The following TRPM3 variants were observed in gnomAD, a reference collection of about 807,000 sequenced individuals.
The protein encoded by TRPM3 is long transient receptor potential channel 3.
TRPM3 carries 77 observed loss-of-function variants against 181.2 expected under a neutral mutation model. That is an observed-to-expected ratio of 0.42 (90% CI 0.35 to 0.51). The LOEUF (loss-of-function observed/expected upper bound fraction) is 0.51, where lower values mean the gene tolerates loss of function less well. Among genes scored for constraint, TRPM3 ranks in the 20% least tolerant of loss-of-function variants. The pLI, the probability that TRPM3 is intolerant of heterozygous loss-of-function variation, is 0.01. For missense variants in TRPM3, 1,759 were observed against 2,196.7 expected (o/e 0.80, Z 3.98); for synonymous variants, 745 against 796.4 (o/e 0.94, Z 1.09).
intron 3 of TRPM3, among the ~76,000 whole-genome samples, chr9:70,861,739 T>G (rs2132375192): frequency 6.6e-6 from 1 of 152,300 alleles, no homozygotes; most frequent in Admixed American, 6.5e-5. Context: ...TTTCCCTTAG[T>G]TTTGCATAGG....
At chr9:70,882,602 G>A (rs7021176) in intron 1 of TRPM3, among the ~76,000 whole-genome samples, 102,080 of 151,944 alleles carry the variant, frequency 0.67, 35,083 homozygotes, top group Non-Finnish European at 0.73. Flanking sequence ...TGAGTATTCT[G>A]GAACACATTG....
chr9:70,939,734 GC>G lies in TRPM3; in HGVS notation c.178-75224del, dbSNP rs779688101. 9.2e-5 allele frequency among the ~76,000 whole-genome samples: 14 copies of G among 152,290 alleles called. No individual in the cohort carries two copies. In the East Asian group the frequency reaches 2.3e-3, roughly 25 times the overall value. ...TGAATTAGGAAATAGGGTTGCTACA[GC>G]TTTTTCCAAGCATCTTTGTTTACTC... is the stretch of plus-strand genomic sequence containing the variant. On this transcript the variant is annotated intron_variant, in intron 1 of 25. Transcript: ENST00000677713.
At chr9:70,873,212 C>A (rs1293160537) in intron 1 of TRPM3, among the ~76,000 whole-genome samples, 1 of 151,930 alleles carries the variant, frequency 6.6e-6, no homozygotes. Flanking sequence ...GCTTTTATTC[C>A]AATGCTTGGA....
chr9:70,832,288 A>ATAAT (rs890255650), intron 5 of TRPM3, among the ~76,000 whole-genome samples: 20 of 151,784 alleles, frequency 1.3e-4, no homozygotes, highest in African/African-American at 4.6e-4. Flanking sequence ...AACTTAAAGT[A>ATAAT]TAATAATAAA....
chr9:70,928,857 G>T (rs1240961250), intron 1 of TRPM3, among the ~76,000 whole-genome samples: 1 of 152,178 alleles, frequency 6.6e-6, no homozygotes, highest in African/African-American at 2.4e-5. Flanking sequence ...CTGACAATTA[G>T]CCACCACCTA....
Position 70,552,904 on chromosome 9 carries a change from G to C in TRPM3, c.3514C>G (p.His1172Asp). The stretch of plus-strand genomic sequence containing the variant: ...TGTTTCCTCCATCGGCAGCACAGGT[G>C]CTGGAATATCATGGTCATGTGGCTG... ...IFSHMTMIFQHLCCRWRKHES... is the reference protein window; with the variant it reads ...IFSHMTMIFQDLCCRWRKHES... Residue 1172 changes from histidine (H) to aspartate (D), a missense_variant, in exon 24 of 26, where the codon CAC becomes GAC. Transcript: ENST00000677713. 6.2e-7 allele frequency: 1 copy of C among 1,614,236 alleles called. No homozygotes were observed. The highest frequency in any genetic ancestry group is 8.5e-7 in the Non-Finnish European group (1 of 1,180,044).
intron 1 of TRPM3, among the ~76,000 whole-genome samples, chr9:71,436,556 G>A (rs1467926209): frequency 6.6e-6 from 1 of 151,868 alleles, no homozygotes; most frequent in Non-Finnish European, 1.5e-5. Context: ...GCCCACCTCG[G>A]CCTCCCAAAG....
At chr9:71,372,782 A>C (rs2092558454) in intron 1 of TRPM3, among the ~76,000 whole-genome samples, 1 of 152,216 alleles carries the variant, frequency 6.6e-6, no homozygotes, top group South Asian at 2.1e-4. Context: ...CAAGCTGGGT[A>C]AAGGGTCAAG....
chr9:71,028,112 G>C (rs1260996697), intron 1 of TRPM3, among the ~76,000 whole-genome samples: 1 of 152,110 alleles, frequency 6.6e-6, no homozygotes, highest in Non-Finnish European at 1.5e-5. Context: ...CTAGCAGCAG[G>C]CATCTTAGCA....
chr9:71,203,797 C>A (rs1182399241), intron 1 of TRPM3, among the ~76,000 whole-genome samples: 1 of 152,190 alleles, frequency 6.6e-6, no homozygotes, highest in East Asian at 1.9e-4. Context: ...TCCTCCTTTT[C>A]TTCCTCCTCC....
At chr9:71,061,861 G>C (rs1253686232) in intron 1 of TRPM3, among the ~76,000 whole-genome samples, 2 of 152,008 alleles carry the variant, frequency 1.3e-5, no homozygotes, top group African/African-American at 4.8e-5. Context: ...ATGACTGTAG[G>C]AATCTTGGGA....
At chr9:70,596,218 AG>A (rs1394598593) in intron 21 of TRPM3, among the ~76,000 whole-genome samples, 1 of 152,212 alleles carries the variant, frequency 6.6e-6, no homozygotes, top group African/African-American at 2.4e-5. Context: ...AAGTAAACCA[AG>A]TCTCAAAGGG....
At chr9:71,234,666 C>A (rs1027420856) in intron 1 of TRPM3, among the ~76,000 whole-genome samples, 2 of 152,128 alleles carry the variant, frequency 1.3e-5, no homozygotes, top group Non-Finnish European at 1.5e-5. Context: ...GTTACACCCA[C>A]CTTAATGTCT....
At chr9:71,076,628 G>C (rs1323147691) in intron 1 of TRPM3, among the ~76,000 whole-genome samples, 1 of 152,198 alleles carries the variant, frequency 6.6e-6, no homozygotes, top group Non-Finnish European at 1.5e-5. Context: ...AGAAATCAGG[G>C]GAGAAAGGCA....
intron 1 of TRPM3, among the ~76,000 whole-genome samples, chr9:71,042,714 C>A (rs1465079154): frequency 6.6e-6 from 1 of 152,172 alleles, no homozygotes; most frequent in Non-Finnish European, 1.5e-5. Context: ...CATTTGATTA[C>A]ATTTGGGTAA....
At chr9:71,012,033 T>C (rs991730887) in intron 1 of TRPM3, among the ~76,000 whole-genome samples, 1 of 152,176 alleles carries the variant, frequency 6.6e-6, no homozygotes, top group Non-Finnish European at 1.5e-5. Context: ...TCTGCCCGCA[T>C]TGGCCTCTCA....
intron 8 of TRPM3, among the ~76,000 whole-genome samples, chr9:70,759,090 A>G (rs1269382986): frequency 6.6e-6 from 1 of 152,232 alleles, no homozygotes; most frequent in Non-Finnish European, 1.5e-5. Context: ...CATCTGACAA[A>G]GGGCTAATAT....
At chr9:70,660,990 A>G (rs1451084967) in intron 9 of TRPM3, among the ~76,000 whole-genome samples, 1 of 152,122 alleles carries the variant, frequency 6.6e-6, no homozygotes, top group African/African-American at 2.4e-5. Flanking sequence ...AAAAAAGAAA[A>G]CTACAGACCG....
intron 12 of TRPM3, among the ~76,000 whole-genome samples, chr9:70,629,842 G>T (rs1477803939): frequency 6.6e-6 from 1 of 152,226 alleles, no homozygotes; most frequent in Non-Finnish European, 1.5e-5. Context: ...AGGGAGCAAA[G>T]AAGTTAGGGA....
Sources: gnomAD v4.1 joint callset for allele counts (sites outside exome capture counted in the v4.1 genomes callset) on GRCh38, gnomAD v4.1.1 for gene constraint, MANE v1.5 for transcripts, NCBI Gene and HGNC (gene_info 2026-07-23, HGNC 2026-07-21) for gene names.